Variants in TRIM42 observed in about 807,000 individuals in gnomAD.
The protein encoded by TRIM42 is tripartite motif containing 42.
TRIM42 carries 59 observed loss-of-function variants against 64.9 expected under a neutral mutation model. The observed-to-expected ratio is 0.91, with a 90% CI of 0.74 to 1.13. The LOEUF is 1.13. Ranked by LOEUF, TRIM42 falls within the 50% of genes most tolerant of loss-of-function variation. The pLI is 0.00. For missense variants in TRIM42, 878 were observed against 929.5 expected (o/e 0.94, Z 0.72); for synonymous variants, 354 against 346.3 (o/e 1.02, Z -0.25).
At chr3:140,696,912 C>T (rs575341590) in intron 4 of TRIM42, among the ~76,000 whole-genome samples, 11 of 152,178 alleles carry the variant, frequency 7.2e-5, no homozygotes, top group South Asian at 2.1e-4. Flanking sequence ...AGGTGCAATT[C>T]GCCCCATATT....
chr3:140,697,645 G>A (rs2107768314), intron 4 of TRIM42, among the ~76,000 whole-genome samples: 3 of 152,112 alleles, frequency 2.0e-5, no homozygotes, highest in Admixed American at 2.0e-4. Context: ...TTTATACAAT[G>A]GAAATGCCAC....
chr3:140,691,577 G>A (rs932915283), intron 4 of TRIM42, among the ~76,000 whole-genome samples: 1 of 152,120 alleles, frequency 6.6e-6, no homozygotes, highest in African/African-American at 2.4e-5. Flanking sequence ...CAAGGATGGG[G>A]TGCCAGATTT....
chr3:140,686,180 T>C (rs2107759638), intron 2 of TRIM42, among the ~76,000 whole-genome samples: 1 of 152,286 alleles, frequency 6.6e-6, no homozygotes, highest in South Asian at 2.1e-4. Flanking sequence ...AAATTTCCTA[T>C]CCAAGTATCT....
chr3:140,701,137 A>G lies in TRIM42; in HGVS notation c.*163A>G. ...ACAGGAATCTTGTAAGAGCTAATAAAAGGAAATACCTGACATGGCTTGCTG... is the reference window on the plus strand; with the variant it reads ...ACAGGAATCTTGTAAGAGCTAATAAGAGGAAATACCTGACATGGCTTGCTG... On this transcript the variant is annotated 3_prime_UTR_variant, in exon 5 of 5. Coordinates refer to ENST00000286349, the MANE Select transcript of TRIM42 (RefSeq NM_152616.5). 1.7e-6 allele frequency: 1 copy of G among 571,802 alleles called. No individual in the cohort carries two copies. Among genetic ancestry groups the G allele is most frequent in the Admixed American group, 3.3e-5 (1 of 30,546 alleles). The allele number at this position is 571,802 out of a possible 1,614,324, so 35.4% of individuals were successfully genotyped here. A position where few individuals can be genotyped will look rare whatever the true frequency, so the allele number is the denominator to read the frequency against.
intron 2 of TRIM42, among the ~76,000 whole-genome samples, 170 bp from the exon 3 acceptor site, chr3:140,687,552 C>A (rs1220591038): frequency 6.6e-6 from 1 of 152,120 alleles, no homozygotes; most frequent in African/African-American, 2.4e-5. Flanking sequence ...TAAGGAGGAC[C>A]AAATTCATTT....
chr3:140,688,462 T>A lies in TRIM42; in HGVS notation c.1780T>A (p.Tyr594Asn). 6.2e-7 allele frequency: 1 copy of A among 1,614,190 alleles called. No individual in the cohort carries two copies. Among genetic ancestry groups the A allele is most frequent in the African/African-American group, 1.3e-5 (1 of 75,038 alleles). The change falls in exon 3 of 5, where the codon TAC (tyrosine) becomes AAC (asparagine). Residue 594 changes from tyrosine (Y) to asparagine (N), a missense_variant. Coordinates refer to ENST00000286349, the MANE Select transcript of TRIM42 (RefSeq NM_152616.5). ...VQNSSSFHNW[Y>N]SFNDGSVKTP... is the part of the protein sequence containing the mutation. ...GAACAGCAGCAGCTTCCACAACTGG[T>A]ACTCATTCAACGATGGCTCTGTGAA...
intron 1 of TRIM42, among the ~76,000 whole-genome samples, chr3:140,680,066 T>G (rs1198215913): frequency 6.6e-6 from 1 of 152,036 alleles, no homozygotes; most frequent in Non-Finnish European, 1.5e-5. Context: ...GGCCTGATTT[T>G]GGGAGACAGA....
At chr3:140,687,594 C>A (rs1576418137) in intron 2 of TRIM42, 128 bp from the exon 3 acceptor site, 1 of 688,220 alleles carries the variant, frequency 1.5e-6, no homozygotes, top group East Asian at 2.7e-5. Context: ...TTCAGCCCAA[C>A]TACAAGTGCC....
Position 140,678,349 on chromosome 3 carries a change from C to T in TRIM42, c.120C>T (p.Phe40=), listed in dbSNP as rs571313815. The part of the protein sequence containing the change: ...IFTSERNCTC[F]PCPYKDERNC... Reference sequence around the variant, plus strand: ...CCTCAGAGCGGAACTGCACCTGCTTCCCCTGCCCTTACAAAGATGAGCGGA... The same window carrying T: ...CCTCAGAGCGGAACTGCACCTGCTTTCCCTGCCCTTACAAAGATGAGCGGA... The change falls in exon 1 of 5, where the codon TTC becomes TTT. Residue 40 remains phenylalanine (F), a synonymous_variant. Coordinates refer to ENST00000286349, the MANE Select transcript of TRIM42 (RefSeq NM_152616.5). 7 of 1,614,244 alleles carry T rather than the reference C, an allele frequency of 4.3e-6. No individual in the cohort carries two copies. In the South Asian group the frequency reaches 7.7e-5, roughly 18 times the overall value.
chr3:140,689,157 C>T (rs993438394), intron 3 of TRIM42, among the ~76,000 whole-genome samples: 6 of 152,222 alleles, frequency 3.9e-5, no homozygotes, highest in Non-Finnish European at 8.8e-5. Context: ...TTCCCTTTGA[C>T]CCTCTTGACC....
rs772925740 is a variant in TRIM42 at position 140,692,562 on chromosome 3, C to CAGAG, written c.2085+1376_2085+1379dup. On this transcript the variant is annotated intron_variant, in intron 4 of 4. Transcript: ENST00000286349. ...ACACACACACACACACACACACACA[C>CAGAG]AGAGAGAGATAGAGAGAGAGAGAGA... Among the ~76,000 whole-genome samples the CAGAG allele has an allele frequency of 7.8e-4, 89 of 114,124 alleles. 4 individuals carry two copies. The highest frequency in any genetic ancestry group is 9.9e-4 in the Non-Finnish European group (51 of 51,494). 74.9% of individuals were successfully genotyped at this position (114,124 alleles called of 152,430 possible).
At chr3:140,686,882 G>A (rs952878311) in intron 2 of TRIM42, among the ~76,000 whole-genome samples, 8 of 152,086 alleles carry the variant, frequency 5.3e-5, no homozygotes, top group Admixed American at 1.3e-4. Context: ...GATGTGCCAC[G>A]TGCTTACCCT....
intron 2 of TRIM42, among the ~76,000 whole-genome samples, chr3:140,685,546 T>C (rs1988526898): frequency 1.3e-5 from 2 of 152,162 alleles, no homozygotes; most frequent in South Asian, 2.1e-4. Flanking sequence ...TTTATCATGA[T>C]CCCAGGAGAT....
intron 4 of TRIM42, among the ~76,000 whole-genome samples, chr3:140,697,533 T>A (rs974390807): frequency 2.0e-5 from 3 of 152,230 alleles, no homozygotes; most frequent in African/African-American, 7.2e-5. Flanking sequence ...CAAATGTATG[T>A]ATGTACTCTG....
intron 4 of TRIM42, among the ~76,000 whole-genome samples, chr3:140,693,835 ATTAACT>A (rs1372662307): frequency 6.6e-6 from 1 of 152,218 alleles, no homozygotes; most frequent in Non-Finnish European, 1.5e-5. Flanking sequence ...CAGCAAGAAA[ATTAACT>A]TTAATGATTT....
rs1988664452 is a variant in TRIM42, at chr3:140,689,996, C to T, written c.1861-972C>T. Among the ~76,000 whole-genome samples the T allele has an allele frequency of 2.0e-5, 3 of 152,014 alleles. 1 individual carries two copies. The South Asian group carries it at 6.2e-4, about 32-fold the overall frequency. Reference sequence around the variant, plus strand: ...ATCCCTGATGAGCTCAAAAAAGAGACCTACGCAAAACAACTCAGTCAAGTC... The same window carrying T: ...ATCCCTGATGAGCTCAAAAAAGAGATCTACGCAAAACAACTCAGTCAAGTC... On this transcript the variant is annotated intron_variant, in intron 3 of 4. Coordinates refer to ENST00000286349, the MANE Select transcript of TRIM42 (RefSeq NM_152616.5).
chr3:140,678,650 G>A (rs907710732), intron 1 of TRIM42, 80 bp downstream of exon 1: 2 of 1,197,142 alleles, frequency 1.7e-6, no homozygotes, highest in African/African-American at 3.1e-5. Context: ...AGTCTACAGG[G>A]CAGGCCAGTG....
intron 3 of TRIM42, among the ~76,000 whole-genome samples, chr3:140,690,001 G>T (rs527762262): frequency 6.6e-6 from 1 of 152,066 alleles, no homozygotes; most frequent in East Asian, 1.9e-4. Context: ...AGAGACCTAC[G>T]CAAAACAACT....
At chr3:140,695,893 A>G (rs1988834376) in intron 4 of TRIM42, among the ~76,000 whole-genome samples, 3 of 152,216 alleles carry the variant, frequency 2.0e-5, no homozygotes, top group Admixed American at 1.3e-4. Flanking sequence ...GTGCCCTAAA[A>G]TGAAACCAAG....
Sources: gnomAD v4.1 joint callset for allele counts (sites outside exome capture counted in the v4.1 genomes callset) on GRCh38, gnomAD v4.1.1 for gene constraint, MANE v1.5 for transcripts, NCBI Gene and HGNC (gene_info 2026-07-23, HGNC 2026-07-21) for gene names.